The following TSC22D1 variants were observed in gnomAD, a reference collection of about 807,000 sequenced individuals.
TSC22D1 encodes the protein TSC22 domain family protein 1.
TSC22D1 carries 9 observed loss-of-function variants against 74.2 expected under a neutral mutation model. The observed-to-expected ratio is 0.12, with a 90% confidence interval of 0.07 to 0.21. The LOEUF is 0.21. Among genes scored for constraint, TSC22D1 ranks in the 10% least tolerant of loss-of-function variants. The pLI is 1.00. For missense variants in TSC22D1, 1,427 were observed against 1,304.7 expected (o/e 1.09, Z -1.44); for synonymous variants, 586 against 492.5 (o/e 1.19, Z -2.51).
chr13:44,560,054 C>T (rs1882937895), intron 1 of TSC22D1, among the ~76,000 whole-genome samples: 1 of 152,124 alleles, frequency 6.6e-6, no homozygotes, highest in African/African-American at 2.4e-5. Flanking sequence ...ACCAAGTTGG[C>T]TTGGTTGTCA....
At chr13:44,571,897 CAACTA>C (rs968005770) in intron 1 of TSC22D1, among the ~76,000 whole-genome samples, 1 of 152,004 alleles carries the variant, frequency 6.6e-6, no homozygotes, top group African/African-American at 2.4e-5. Flanking sequence ...ACCTTTTAAA[CAACTA>C]AATAACACAA....
At chr13:44,460,005 T>C (rs1876910924) in intron 1 of TSC22D1, among the ~76,000 whole-genome samples, 1 of 152,144 alleles carries the variant, frequency 6.6e-6, no homozygotes, top group East Asian at 1.9e-4. Context: ...GTGGAATTAT[T>C]AGCTCAGAGG....
intron 1 of TSC22D1, among the ~76,000 whole-genome samples, chr13:44,507,041 C>G (rs780022506): frequency 6.6e-6 from 1 of 152,146 alleles, no homozygotes; most frequent in Non-Finnish European, 1.5e-5. Context: ...AAGCTATAAA[C>G]TGAGGAGAGG....
At chr13:44,530,625 A>C (rs920127459) in intron 1 of TSC22D1, among the ~76,000 whole-genome samples, 4 of 152,036 alleles carry the variant, frequency 2.6e-5, no homozygotes, top group Non-Finnish European at 5.9e-5. Context: ...ACCCGATAAA[A>C]AGCTGGTATC....
chr13:44,471,017 T>C (rs996368845), intron 1 of TSC22D1, among the ~76,000 whole-genome samples: 7 of 152,192 alleles, frequency 4.6e-5, no homozygotes, highest in Non-Finnish European at 8.8e-5. Flanking sequence ...TAGTTTAGTT[T>C]TCCATCAAAA....
chr13:44,574,492 T>A lies in TSC22D1; in HGVS notation c.1583A>T (p.Gln528Leu). 1.9e-6 allele frequency: 3 copies of A among 1,614,236 alleles called. No homozygotes were observed. Among genetic ancestry groups the A allele is most frequent in the Non-Finnish European group, 2.5e-6 (3 of 1,180,042 alleles). ...TGGTATACTAACTGCTGGAATACTC[T>A]GTGGACCAGTGCTACCAAAATCCAT... Reference protein sequence around the residue: ...QQMDFGSTGPQSIPAVSIPQS... With the variant: ...QQMDFGSTGPLSIPAVSIPQS... Residue 528 changes from glutamine to leucine, a missense_variant, in exon 1 of 3, where the codon CAG becomes CTG. Around this residue, in one of 3 missense-constraint regions of TSC22D1, gnomAD observed 1,343 missense variants for 1,191.5 expected, o/e 1.13. Coordinates refer to ENST00000458659, the MANE Select transcript of TSC22D1 (RefSeq NM_183422.4).
intron 1 of TSC22D1, among the ~76,000 whole-genome samples, chr13:44,570,456 T>G (rs1411268238): frequency 6.6e-6 from 1 of 152,122 alleles, no homozygotes; most frequent in East Asian, 1.9e-4. Flanking sequence ...CCTCCCAAAG[T>G]GCTGGGATTA....
intron 1 of TSC22D1, among the ~76,000 whole-genome samples, chr13:44,456,928 A>G (rs1282004496): frequency 6.6e-6 from 1 of 152,242 alleles, no homozygotes. Context: ...AGAAATGTGC[A>G]ATATGGACAG....
Position 44,573,293 on chromosome 13 carries a change from T to C in TSC22D1, c.2782A>G (p.Ile928Val), listed in dbSNP as rs376849698. The C allele has an allele frequency of 5.0e-6, 8 of 1,614,222 alleles. No individual in the cohort carries two copies. The highest frequency in any genetic ancestry group is 6.8e-6 in the Non-Finnish European group (8 of 1,180,034). The change falls in exon 1 of 3, where the codon ATC becomes GTC. Residue 928 changes from isoleucine to valine, a missense_variant. Ile to Val is a conservative substitution (Grantham distance 29). This residue lies in a region of TSC22D1 where 1,343 missense variants were observed against 1,191.5 expected (regional missense o/e 1.13). Coordinates refer to ENST00000458659, the MANE Select transcript of TSC22D1 (RefSeq NM_183422.4). ...GACATTCCCCCACTGTCACCACTGATAGTCTGAGGTAAGCCAACTAAGGAG... is the reference window on the plus strand; with the variant it reads ...GACATTCCCCCACTGTCACCACTGACAGTCTGAGGTAAGCCAACTAAGGAG... The part of the protein sequence containing the change: ...EPSLVGLPQT[I>V]SGDSGGMSAV...
chr13:44,529,434 G>A (rs74068583), intron 1 of TSC22D1, among the ~76,000 whole-genome samples: 2,533 of 152,014 alleles, frequency 0.017, 59 homozygotes, highest in African/African-American at 0.057. Context: ...CTGATAAAGA[G>A]TATCAACAAA....
At chr13:44,545,365 T>G (rs1881752845) in intron 1 of TSC22D1, among the ~76,000 whole-genome samples, 1 of 151,932 alleles carries the variant, frequency 6.6e-6, no homozygotes, top group Admixed American at 6.6e-5. Context: ...AGCTTAAATT[T>G]GCCACTGACT....
At chr13:44,512,368 ACCGTGTTAG>A (rs1237670090) in intron 1 of TSC22D1, among the ~76,000 whole-genome samples, 1 of 151,664 alleles carries the variant, frequency 6.6e-6, no homozygotes, top group Non-Finnish European at 1.5e-5. Context: ...ACGGGGTTTC[ACCGTGTTAG>A]CCAGGATGGT....
chr13:44,435,318 C>T (rs1034528506), intron 2 of TSC22D1: 20 of 162,128 alleles, frequency 1.2e-4, no homozygotes, highest in Non-Finnish European at 1.9e-4. Context: ...CATTTTCTTC[C>T]CTCCACCCCG....
At chr13:44,447,043 G>T (rs900796597) in intron 1 of TSC22D1, among the ~76,000 whole-genome samples, 4 of 151,764 alleles carry the variant, frequency 2.6e-5, no homozygotes, top group Non-Finnish European at 5.9e-5. Context: ...GTGCAGATCT[G>T]AAACTATCCA....
upstream of TSC22D1, chr13:44,576,988 G>C (rs1315039452): frequency 6.6e-6 from 1 of 152,622 alleles, no homozygotes; most frequent in Non-Finnish European, 1.5e-5. Context: ...GGAGGGCGGC[G>C]GGACGTGCGC....
intron 1 of TSC22D1, among the ~76,000 whole-genome samples, chr13:44,569,278 C>A (rs1883587340): frequency 6.6e-6 from 1 of 152,124 alleles, no homozygotes; most frequent in Admixed American, 6.5e-5. Context: ...TCTAGGCAAT[C>A]TAACTCCACA....
Position 44,574,376 on chromosome 13 carries a change from G to C in TSC22D1, c.1699C>G (p.Leu567Val), listed in dbSNP as rs752799469. The change falls in exon 1 of 3, where the codon CTG becomes GTG. Residue 567 changes from leucine to valine, a missense_variant. Around this residue, in one of 3 missense-constraint regions of TSC22D1, gnomAD observed 1,343 missense variants for 1,191.5 expected, o/e 1.13. Transcript: ENST00000458659. The part of the protein sequence containing the change: ...QQKQGLQPVP[L>V]QATMSAATGI... ...GTTGCAGCACTCATAGTGGCTTGCAGAGGTACTGGCTGAAGACCTTGCTTT... is the reference window on the plus strand; with the variant it reads ...GTTGCAGCACTCATAGTGGCTTGCACAGGTACTGGCTGAAGACCTTGCTTT... The C allele has an allele frequency of 6.2e-6, 10 of 1,614,228 alleles. No individual in the cohort carries two copies. Among genetic ancestry groups the C allele is most frequent in the South Asian group, 2.2e-5 (2 of 91,090 alleles).
chr13:44,456,255 G>A (rs886805301), intron 1 of TSC22D1, among the ~76,000 whole-genome samples: 3 of 152,194 alleles, frequency 2.0e-5, no homozygotes, highest in African/African-American at 4.8e-5. Context: ...GACCCGAGCG[G>A]GTTGCTGCTG....
intron 1 of TSC22D1, among the ~76,000 whole-genome samples, chr13:44,475,679 AAG>A (rs1877870224): frequency 6.6e-6 from 1 of 152,176 alleles, no homozygotes; most frequent in African/African-American, 2.4e-5. Context: ...ACCATAATTT[AAG>A]AGATATAGAT....
Sources: allele counts gnomAD v4.1 joint callset (sites outside exome capture counted in the v4.1 genomes callset), GRCh38; gene constraint gnomAD v4.1.1; regional missense constraint gnomAD v4.1.1; transcripts MANE v1.5; gene names NCBI Gene and HGNC (gene_info 2026-07-23, HGNC 2026-07-21).